Variants in MTMR8 observed in about 807,000 individuals in gnomAD.
MTMR8 encodes phosphatidylinositol-3,5-bisphosphate 3-phosphatase MTMR8.
A neutral mutation model predicts 39.3 loss-of-function variants in MTMR8; 65 were observed. The ratio of observed to expected loss-of-function variants is 1.65; its 90% confidence interval spans 1.35 to 2.03. The LOEUF (loss-of-function observed/expected upper bound fraction) is 2.03. MTMR8 is among the 30% of genes most tolerant of loss of function. The pLI, the probability that MTMR8 is intolerant of heterozygous loss-of-function variation, is 0.00. For synonymous variants in MTMR8, 245 were observed against 185.2 expected (o/e 1.32, Z -2.62); for missense variants, 777 against 538.9 (o/e 1.44, Z -4.37).
At chrX:64,327,091 CA>C (rs1164425060) in intron 12 of MTMR8, among the ~76,000 whole-genome samples, 1 of 111,506 alleles carries the variant, frequency 9.0e-6, no homozygotes, top group African/African-American at 3.2e-5. Context: ...TGGAAGAAAA[CA>C]TAGGGAAAAC....
chrX:64,287,089 T>C (rs1921210218), intron 12 of MTMR8, among the ~76,000 whole-genome samples: 1 of 111,850 alleles, frequency 8.9e-6, no homozygotes, highest in Admixed American at 9.5e-5. Context: ...AAAATCTCCT[T>C]AAGCTGATAA....
chrX:64,355,472 G>T (rs1433378788), intron 3 of MTMR8, among the ~76,000 whole-genome samples: 2 of 111,456 alleles, frequency 1.8e-5, no homozygotes, highest in African/African-American at 6.5e-5. Flanking sequence ...AATTTATATG[G>T]CAACAACTTC....
intron 4 of MTMR8, 39 bp downstream of exon 4, chrX:64,354,738 T>C (rs1419907463): frequency 8.8e-7 from 1 of 1,132,358 alleles, no homozygotes; most frequent in Non-Finnish European, 1.2e-6. Context: ...ACCATCTTAA[T>C]TAAATGCACC....
intron 1 of MTMR8, among the ~76,000 whole-genome samples, chrX:64,383,194 C>T (rs765841949): frequency 6.3e-5 from 7 of 110,786 alleles, no homozygotes; most frequent in South Asian, 7.6e-4. Context: ...CAAAGTCATT[C>T]TTAAAACTGT....
At chrX:64,275,540 A>T (rs1931853071) in intron 12 of MTMR8, among the ~76,000 whole-genome samples, 1 of 107,634 alleles carries the variant, frequency 9.3e-6, no homozygotes, top group Non-Finnish European at 1.9e-5. Flanking sequence ...CTAAAAAAAC[A>T]TTTAGAAAAT....
chrX:64,329,549 G>C (rs1164947078), intron 11 of MTMR8, among the ~76,000 whole-genome samples: 1 of 111,376 alleles, frequency 9.0e-6, no homozygotes, highest in Non-Finnish European at 1.9e-5. Flanking sequence ...TGGGGAGGCT[G>C]CTTAACCAGT....
intron 8 of MTMR8, among the ~76,000 whole-genome samples, chrX:64,338,394 T>C (rs1923130939): frequency 8.9e-6 from 1 of 111,818 alleles, no homozygotes; most frequent in East Asian, 2.8e-4. Context: ...ACAACTAAGG[T>C]GGGTCTGGAA....
intron 1 of MTMR8, among the ~76,000 whole-genome samples, chrX:64,387,205 G>T (rs1924582797): frequency 9.0e-6 from 1 of 111,495 alleles, no homozygotes; most frequent in Non-Finnish European, 1.9e-5. Flanking sequence ...AATGGTCAAG[G>T]GATGAGTAGT....
chrX:64,334,285 T>A (rs1923016896), intron 10 of MTMR8, among the ~76,000 whole-genome samples: 1 of 110,144 alleles, frequency 9.1e-6, no homozygotes, highest in Admixed American at 9.8e-5. Flanking sequence ...TAAACCCAGC[T>A]ACCTCAGGCA....
intron 12 of MTMR8, among the ~76,000 whole-genome samples, chrX:64,303,348 G>T (rs979195671): frequency 1.8e-5 from 2 of 111,815 alleles, no homozygotes; most frequent in Non-Finnish European, 3.8e-5. Flanking sequence ...CTAGTTTTCT[G>T]CTGTTACTAG....
chrX:64,270,148 C>T (rs1224974404), intron 13 of MTMR8, among the ~76,000 whole-genome samples: 3 of 110,607 alleles, frequency 2.7e-5, no homozygotes, highest in South Asian at 4.1e-4. Context: ...CTTTAGTTTG[C>T]CCCCCTCCAC....
intron 1 of MTMR8, among the ~76,000 whole-genome samples, chrX:64,375,659 GC>G (rs760858112): frequency 4.2e-4 from 47 of 111,617 alleles, no homozygotes; most frequent in African/African-American, 1.5e-3. Flanking sequence ...GGAGCTGTTT[GC>G]CCCTTCTGCC....
chrX:64,293,389 C>T (rs1339840099), intron 12 of MTMR8, among the ~76,000 whole-genome samples: 2 of 111,326 alleles, frequency 1.8e-5, no homozygotes, highest in African/African-American at 3.3e-5. Context: ...GAGCCAGGTC[C>T]GTGGTTTAGC....
At chrX:64,322,261 T>C (rs1393075798) in intron 12 of MTMR8, among the ~76,000 whole-genome samples, 1 of 110,529 alleles carries the variant, frequency 9.0e-6, no homozygotes. Context: ...CCTCCCAAAG[T>C]GATGGGATTA....
At chrX:64,342,715 G>A (rs1463192616) in intron 8 of MTMR8, among the ~76,000 whole-genome samples, 1 of 111,712 alleles carries the variant, frequency 9.0e-6, no homozygotes, top group African/African-American at 3.3e-5. Context: ...ATTAGGGCTT[G>A]GATATTTAAG....
At chrX:64,314,872 G>T (rs973381266) in intron 12 of MTMR8, among the ~76,000 whole-genome samples, 5 of 111,383 alleles carry the variant, frequency 4.5e-5, no homozygotes, top group African/African-American at 1.3e-4. Flanking sequence ...AAGCTATGAT[G>T]CAGACCCCCA....
chrX:64,343,671 C>T lies in MTMR8; in HGVS notation c.915G>A (p.Glu305=). The change falls in exon 8 of 14, where the codon GAG becomes GAA. Residue 305 remains glutamate (E), a synonymous_variant. Transcript: ENST00000374852. ...TAATGTGTCTTAACCACCCTGAGCT[C>T]TCCAGGCCGCTAAGAAATTCACTCA... ...PTMSEFLSGL[E]SSGWLRHIKA... is the part of the protein sequence containing the mutation. 1 of 1,208,819 alleles carries T rather than the reference C, an allele frequency of 8.3e-7. No individual in the cohort carries two copies. Among genetic ancestry groups the T allele is most frequent in the Non-Finnish European group, 1.1e-6 (1 of 893,388 alleles).
chrX:64,311,294 CT>C (rs922694320), intron 12 of MTMR8, among the ~76,000 whole-genome samples: 2 of 111,623 alleles, frequency 1.8e-5, no homozygotes, highest in Non-Finnish European at 3.8e-5. Context: ...GCATAAATGT[CT>C]TCTTTTGAGA....
Position 64,356,215 on chromosome X carries a change from G to A in MTMR8, c.271C>T (p.His91Tyr), listed in dbSNP as rs1156732257. The A allele has an allele frequency of 3.3e-6, 4 of 1,206,331 alleles. No homozygotes were observed. Among genetic ancestry groups the A allele is most frequent in the Non-Finnish European group, 4.5e-6 (4 of 893,574 alleles). ...HFVLDSDLVC[H>Y]EVYISLLKLS... ...TTGAGCAGTGAAATATAAACCTCATGGCACACAAGGTCAGAATCTAAAACA... is the reference window on the plus strand; with the variant it reads ...TTGAGCAGTGAAATATAAACCTCATAGCACACAAGGTCAGAATCTAAAACA... Residue 91 changes from histidine (H) to tyrosine (Y), a missense_variant, in exon 3 of 14, where the codon CAT (histidine) becomes TAT (tyrosine). Coordinates refer to ENST00000374852, the MANE Select transcript of MTMR8 (RefSeq NM_017677.4).
Sources: gnomAD v4.1 joint callset for allele counts (sites outside exome capture counted in the v4.1 genomes callset) on GRCh38, gnomAD v4.1.1 for gene constraint, MANE v1.5 for transcripts, NCBI Gene and HGNC (gene_info 2026-07-23, HGNC 2026-07-21) for gene names.